PHACTR1: variants seen among roughly 807,000 people sequenced by gnomAD.
The protein encoded by PHACTR1 is phosphatase and actin regulator 1.
In PHACTR1, 16 loss-of-function variants were observed where a neutral mutation model predicts 69.2. The ratio of observed to expected loss-of-function variants is 0.23; its 90% CI spans 0.16 to 0.35. The LOEUF (loss-of-function observed/expected upper bound fraction) is 0.35, where lower values mean the gene tolerates loss of function less well. PHACTR1 is among the 10% of genes least tolerant of loss of function. The pLI is 1.00. For missense variants in PHACTR1, 510 were observed against 734.7 expected (o/e 0.69, Z 3.54); for synonymous variants, 312 against 284.5 (o/e 1.10, Z -0.97).
chr6:12,845,425 A>ACCC (rs1332657788), intron 4 of PHACTR1, among the ~76,000 whole-genome samples: 39 of 14,828 alleles, frequency 2.6e-3, no homozygotes, highest in South Asian at 5.6e-3. Context: ...TGTGAACACC[A>ACCC]CCCACCCCCC....
intron 5 of PHACTR1, among the ~76,000 whole-genome samples, chr6:13,119,933 C>T (rs1818444471): frequency 6.6e-6 from 1 of 152,174 alleles, no homozygotes; most frequent in African/African-American, 2.4e-5. Context: ...AAACATCCAA[C>T]TCAAACCCAC....
chr6:13,096,336 TTC>T (rs1814249987), intron 5 of PHACTR1, among the ~76,000 whole-genome samples: 1 of 152,214 alleles, frequency 6.6e-6, no homozygotes, highest in Non-Finnish European at 1.5e-5. Context: ...GAGAAATTCC[TTC>T]TCTGATTAGA....
At chr6:12,961,868 C>A (rs570716852) in intron 4 of PHACTR1, among the ~76,000 whole-genome samples, 1 of 152,272 alleles carries the variant, frequency 6.6e-6, no homozygotes, top group East Asian at 1.9e-4. Context: ...CCTCATCCTC[C>A]CACATAGTTG....
At chr6:13,103,729 G>T (rs1448469258) in intron 5 of PHACTR1, among the ~76,000 whole-genome samples, 1 of 152,192 alleles carries the variant, frequency 6.6e-6, no homozygotes, top group Non-Finnish European at 1.5e-5. Flanking sequence ...CCATAGTAAA[G>T]TGATCAAGAG....
At chr6:13,101,724 T>C (rs2127861966) in intron 5 of PHACTR1, among the ~76,000 whole-genome samples, 1 of 152,322 alleles carries the variant, frequency 6.6e-6, no homozygotes, top group African/African-American at 2.4e-5. Context: ...GCAAAAAGTA[T>C]GTTGCCAGAA....
At chr6:13,129,587 A>G (rs1447031393) in intron 5 of PHACTR1, among the ~76,000 whole-genome samples, 1 of 152,182 alleles carries the variant, frequency 6.6e-6, no homozygotes, top group Non-Finnish European at 1.5e-5. Context: ...TAAAAGGAAT[A>G]GTCCAGCAGG....
At chr6:12,791,096 A>G (rs1772211564) in intron 4 of PHACTR1, among the ~76,000 whole-genome samples, 1 of 152,222 alleles carries the variant, frequency 6.6e-6, no homozygotes, top group Non-Finnish European at 1.5e-5. Flanking sequence ...CAGGATAAGG[A>G]CAGTCATGTA....
chr6:13,023,796 G>A (rs970166048), intron 4 of PHACTR1, among the ~76,000 whole-genome samples: 1 of 152,238 alleles, frequency 6.6e-6, no homozygotes, highest in African/African-American at 2.4e-5. Context: ...AAAAAATGGG[G>A]TCGGGCACAA....
chr6:13,118,589 C>A (rs1818177223), intron 5 of PHACTR1, among the ~76,000 whole-genome samples: 1 of 147,078 alleles, frequency 6.8e-6, no homozygotes, highest in African/African-American at 2.5e-5. Flanking sequence ...AGCTATTCTT[C>A]TGCCTCAGCT....
intron 7 of PHACTR1, among the ~76,000 whole-genome samples, chr6:13,190,214 T>TTTTTTTTTTA (rs59234276): frequency 1.4e-5 from 2 of 147,408 alleles, no homozygotes; most frequent in South Asian, 4.3e-4. Flanking sequence ...TTTTTTTTTT[T>TTTTTTTTTTA]AGTAGAGGTG....
At chr6:13,129,688 A>G (rs1820105057) in intron 5 of PHACTR1, among the ~76,000 whole-genome samples, 1 of 152,124 alleles carries the variant, frequency 6.6e-6, no homozygotes, top group Non-Finnish European at 1.5e-5. Context: ...AATGAGTTAG[A>G]CAGCAACACA....
At chr6:13,083,829 CT>C (rs1811812527) in intron 5 of PHACTR1, among the ~76,000 whole-genome samples, 2 of 152,106 alleles carry the variant, frequency 1.3e-5, no homozygotes, top group African/African-American at 4.8e-5. Flanking sequence ...TGCTTATCAG[CT>C]TAAGGAGATT....
intron 4 of PHACTR1, among the ~76,000 whole-genome samples, chr6:12,912,976 G>T (rs1786576936): frequency 6.6e-6 from 1 of 152,034 alleles, no homozygotes. Flanking sequence ...ACAAAAACCT[G>T]GCTTTTAAAG....
intron 6 of PHACTR1, among the ~76,000 whole-genome samples, chr6:13,176,805 T>G (rs1761380464): frequency 6.6e-6 from 1 of 152,164 alleles, no homozygotes; most frequent in Non-Finnish European, 1.5e-5. Flanking sequence ...CAATTCTTCA[T>G]AGTCATATTC....
intron 4 of PHACTR1, among the ~76,000 whole-genome samples, chr6:12,879,101 G>A (rs907250641): frequency 1.2e-4 from 18 of 152,278 alleles, no homozygotes; most frequent in Middle Eastern, 6.8e-3. Flanking sequence ...CAAGCAGGCT[G>A]GTTTTGCTCC....
intron 6 of PHACTR1, among the ~76,000 whole-genome samples, chr6:13,171,074 C>T (rs556339723): frequency 6.6e-6 from 1 of 152,332 alleles, no homozygotes; most frequent in East Asian, 1.9e-4. Context: ...AGCAGGTACT[C>T]GATCAAGGTT....
intron 4 of PHACTR1, among the ~76,000 whole-genome samples, chr6:12,938,636 A>G (rs956880989): frequency 6.6e-6 from 1 of 152,214 alleles, no homozygotes; most frequent in African/African-American, 2.4e-5. Flanking sequence ...ATATACACCC[A>G]TGAAACCATC....
chr6:12,762,569 A>T (rs188297753), intron 4 of PHACTR1, among the ~76,000 whole-genome samples: 1 of 152,264 alleles, frequency 6.6e-6, no homozygotes, highest in East Asian at 1.9e-4. Context: ...CCTATCACGT[A>T]AGAAGTTCAT....
chr6:13,159,461 A>T (rs55763852), intron 5 of PHACTR1, among the ~76,000 whole-genome samples: 29,561 of 152,168 alleles, frequency 0.19, 3,611 homozygotes, highest in East Asian at 0.42. Flanking sequence ...TTGAAACAGC[A>T]GTCCCTCCTG....
Sources: allele counts gnomAD v4.1 joint callset (sites outside exome capture counted in the v4.1 genomes callset), GRCh38; gene constraint gnomAD v4.1.1; transcripts MANE v1.5; gene names NCBI Gene and HGNC (gene_info 2026-07-23, HGNC 2026-07-21).